DLG2: variants seen among roughly 807,000 people sequenced by gnomAD.
DLG2 encodes the protein disks large homolog 2.
In DLG2, 45 loss-of-function variants were observed where a neutral mutation model predicts 132.5. That is an observed-to-expected ratio of 0.34 (90% CI 0.27 to 0.44). The LOEUF is 0.44. Ranked by LOEUF, DLG2 falls within the 20% of genes least tolerant of loss-of-function variation. The pLI, the probability that DLG2 is intolerant of heterozygous loss-of-function variation, is 1.00. For missense variants in DLG2, 1,045 were observed against 1,196.9 expected, an observed-to-expected ratio of 0.87 and a Z score of 1.87; for synonymous variants, 424 against 419.6, an observed-to-expected ratio of 1.01 and a Z score of -0.13.
intron 5 of DLG2, among the ~76,000 whole-genome samples, chr11:85,120,978 T>C (rs1376352617): frequency 6.6e-6 from 1 of 152,028 alleles, no homozygotes; most frequent in Non-Finnish European, 1.5e-5. Context: ...TAACGTAACA[T>C]CCATTCAGCT....
intron 6 of DLG2, among the ~76,000 whole-genome samples, chr11:84,596,411 C>T (rs533217636): frequency 2.8e-5 from 4 of 141,442 alleles, no homozygotes; most frequent in South Asian, 4.4e-4. Context: ...GTAGTAGAGA[C>T]GGGGTTTCGA....
chr11:84,946,372 C>T (rs1476977192), intron 6 of DLG2, among the ~76,000 whole-genome samples: 4 of 152,130 alleles, frequency 2.6e-5, no homozygotes, highest in Non-Finnish European at 4.4e-5. Context: ...GCCCATGACA[C>T]ATCTGGCAAC....
chr11:85,491,521 C>T (rs1016282178), intron 3 of DLG2, among the ~76,000 whole-genome samples: 5 of 151,864 alleles, frequency 3.3e-5, no homozygotes, highest in Non-Finnish European at 7.4e-5. Flanking sequence ...AAAACACTAA[C>T]CACATCAAAA....
intron 7 of DLG2, among the ~76,000 whole-genome samples, chr11:84,416,455 C>T (rs564391023): frequency 1.3e-5 from 2 of 152,130 alleles, no homozygotes; most frequent in Non-Finnish European, 2.9e-5. Context: ...ACAACAGTAA[C>T]CAACTCCAAA....
At chr11:84,487,215 T>A (rs1189603603) in intron 7 of DLG2, among the ~76,000 whole-genome samples, 2 of 152,162 alleles carry the variant, frequency 1.3e-5, no homozygotes, top group Admixed American at 1.3e-4. Context: ...ATTTGTTTAC[T>A]TGGTTCTAAA....
intron 8 of DLG2, among the ~76,000 whole-genome samples, chr11:84,203,588 A>G (rs191072209): frequency 0.018 from 2,726 of 151,342 alleles, 125 homozygotes; most frequent in African/African-American, 0.063. Flanking sequence ...TCTCAAAAAA[A>G]AAAAAAAAAA....
chr11:84,672,990 G>C (rs1428778802), intron 6 of DLG2, among the ~76,000 whole-genome samples: 1 of 151,948 alleles, frequency 6.6e-6, no homozygotes, highest in African/African-American at 2.4e-5. Context: ...TGGGGGGTAG[G>C]TGCCATACAC....
At chr11:84,181,658 A>G (rs1241825562) in intron 8 of DLG2, among the ~76,000 whole-genome samples, 1 of 152,168 alleles carries the variant, frequency 6.6e-6, no homozygotes, top group Non-Finnish European at 1.5e-5. Flanking sequence ...AAGGAGAACT[A>G]TACATAAAAA....
intron 6 of DLG2, among the ~76,000 whole-genome samples, chr11:84,913,193 T>C (rs1024687963): frequency 1.4e-4 from 22 of 152,214 alleles, no homozygotes; most frequent in African/African-American, 4.3e-4. Context: ...TCTGGTTGGC[T>C]TCTGTTTAAA....
chr11:83,469,125 C>T (rs2091633883), intron 25 of DLG2, 76 bp downstream of exon 25: 1 of 996,162 alleles, frequency 1.0e-6, no homozygotes. Context: ...AGAGTAATGA[C>T]CAAAAAAAAA....
chr11:84,101,597 G>A (rs2154182405), intron 9 of DLG2, among the ~76,000 whole-genome samples: 1 of 152,162 alleles, frequency 6.6e-6, no homozygotes, highest in South Asian at 2.1e-4. Context: ...AACCTCAACT[G>A]CATTGTCAAG....
At chr11:84,179,862 T>C (rs12800335) in intron 8 of DLG2, among the ~76,000 whole-genome samples, 9,836 of 152,008 alleles carry the variant, frequency 0.065, 393 homozygotes, top group African/African-American at 0.098. Context: ...CTGGTGAAAT[T>C]TAGAATCCAG....
chr11:84,621,758 C>G (rs2099614343), intron 6 of DLG2, among the ~76,000 whole-genome samples: 2 of 152,034 alleles, frequency 1.3e-5, no homozygotes, highest in Admixed American at 1.3e-4. Flanking sequence ...ATTTTAAGAT[C>G]AGCATCAGTA....
At chr11:85,390,052 A>G (rs1761998331) in intron 3 of DLG2, among the ~76,000 whole-genome samples, 1 of 152,170 alleles carries the variant, frequency 6.6e-6, no homozygotes, top group Non-Finnish European at 1.5e-5. Flanking sequence ...TCCACTTAAA[A>G]GATACAAAAT....
At chr11:85,439,445 C>T (rs1424150693) in intron 3 of DLG2, among the ~76,000 whole-genome samples, 8 of 151,626 alleles carry the variant, frequency 5.3e-5, no homozygotes, top group Admixed American at 4.6e-4. Flanking sequence ...CTGCAACCTC[C>T]GCCTTCCAGG....
intron 6 of DLG2, among the ~76,000 whole-genome samples, chr11:84,607,773 A>G (rs555492109): frequency 3.2e-4 from 48 of 152,148 alleles, no homozygotes; most frequent in African/African-American, 1.1e-3. Context: ...GAAAGAGACA[A>G]TCACCCCACA....
chr11:85,604,384 G>A (rs1031849792), intron 2 of DLG2, among the ~76,000 whole-genome samples: 2 of 152,084 alleles, frequency 1.3e-5, no homozygotes, highest in African/African-American at 4.8e-5. Context: ...AAAGTTTGAA[G>A]GTAATCTAAA....
intron 3 of DLG2, among the ~76,000 whole-genome samples, chr11:85,390,699 A>G (rs1181296739): frequency 5.3e-5 from 8 of 152,174 alleles, no homozygotes; most frequent in Non-Finnish European, 8.8e-5. Flanking sequence ...CATTGGGTCA[A>G]AAATGAAATC....
chr11:85,380,098 T>C (rs1289579804), intron 3 of DLG2, among the ~76,000 whole-genome samples: 2 of 152,164 alleles, frequency 1.3e-5, no homozygotes, highest in Non-Finnish European at 2.9e-5. Flanking sequence ...CACCTAAATA[T>C]CACCCACAGC....
Sources: allele counts gnomAD v4.1 joint callset (sites outside exome capture counted in the v4.1 genomes callset), GRCh38; gene constraint gnomAD v4.1.1; transcripts MANE v1.5; gene names NCBI Gene and HGNC (gene_info 2026-07-23, HGNC 2026-07-21).